The following GRIK2 variants were observed in gnomAD, a reference collection of about 807,000 sequenced individuals.
GRIK2 encodes glutamate ionotropic receptor kainate type subunit 2, also known as glutamate receptor ionotropic, kainate 2.
Under a neutral mutation model 100.3 loss-of-function variants are expected in GRIK2, and 32 were observed. The ratio of observed to expected loss-of-function variants is 0.32; its 90% confidence interval spans 0.24 to 0.43. GRIK2 has a LOEUF of 0.43. Among genes scored for constraint, GRIK2 ranks in the 20% least tolerant of loss-of-function variants. The pLI is 1.00. For synonymous variants in GRIK2, 417 were observed against 389.4 expected (o/e 1.07, Z -0.83); for missense variants, 843 against 1,114.9 (o/e 0.76, Z 3.47).
intron 2 of GRIK2, among the ~76,000 whole-genome samples, chr6:101,425,599 A>G (rs1314678632): frequency 6.6e-6 from 1 of 152,098 alleles, no homozygotes; most frequent in East Asian, 1.9e-4. Flanking sequence ...TTCACTTTGT[A>G]TTAAAGTTTT....
intron 2 of GRIK2, among the ~76,000 whole-genome samples, chr6:101,592,588 C>T (rs867989234): frequency 0.011 from 1,134 of 101,444 alleles, 18 homozygotes; most frequent in African/African-American, 0.033. Context: ...ACTAATATCA[C>T]ATATATATAT....
At chr6:101,519,257 G>T (rs1229231263) in intron 2 of GRIK2, among the ~76,000 whole-genome samples, 1 of 151,038 alleles carries the variant, frequency 6.6e-6, no homozygotes, top group Non-Finnish European at 1.5e-5. Context: ...TCATGGAGAG[G>T]GTGGAACATA....
chr6:101,443,967 C>T (rs1022417987), intron 2 of GRIK2, among the ~76,000 whole-genome samples: 1 of 151,814 alleles, frequency 6.6e-6, no homozygotes, highest in Non-Finnish European at 1.5e-5. Context: ...TCACTGTAGC[C>T]TCTACCTCCT....
chr6:102,049,638 C>A (rs73500564), intron 15 of GRIK2, among the ~76,000 whole-genome samples: 1 of 151,928 alleles, frequency 6.6e-6, no homozygotes, highest in Non-Finnish European at 1.5e-5. Context: ...TACAAGTAAT[C>A]CTTTACAAAT....
intron 2 of GRIK2, among the ~76,000 whole-genome samples, chr6:101,532,907 G>A (rs976774000): frequency 1.3e-5 from 2 of 151,686 alleles, no homozygotes; most frequent in South Asian, 2.1e-4. Flanking sequence ...CTTTAGTGCT[G>A]TGCAGATAGA....
chr6:101,444,282 A>C (rs1770244532), intron 2 of GRIK2, among the ~76,000 whole-genome samples: 1 of 151,980 alleles, frequency 6.6e-6, no homozygotes, highest in Admixed American at 6.6e-5. Context: ...TTTTTCCTAT[A>C]TGCTGAGATA....
Position 101,490,775 on chromosome 6 carries a change from C to T in GRIK2, c.115+91383C>T, listed in dbSNP as rs368630902. Among the ~76,000 whole-genome samples, 8 of 146,530 alleles carry T rather than the reference C, an allele frequency of 5.5e-5. 1 individual carries two copies. Among genetic ancestry groups the T allele is most frequent in the African/African-American group, 2.1e-4 (8 of 38,430 alleles). ...CAATAGCACAACTCCAGCACAGTAG[C>T]CTTAGGAAAGTGATGACAATGACAA... On this transcript the variant is annotated intron_variant, in intron 2 of 16. Coordinates refer to ENST00000369134, the MANE Select transcript of GRIK2 (RefSeq NM_021956.5).
chr6:101,425,421 A>G (rs1039241421), intron 2 of GRIK2, among the ~76,000 whole-genome samples: 1 of 152,158 alleles, frequency 6.6e-6, no homozygotes, highest in Non-Finnish European at 1.5e-5. Context: ...TAATTTCTAT[A>G]ATTATATTGC....
At chr6:101,626,330 A>T (rs765493632) in intron 3 of GRIK2, 50 bp from the exon 4 acceptor site, 2 of 1,526,808 alleles carry the variant, frequency 1.3e-6, no homozygotes, top group South Asian at 2.4e-5. Context: ...ATCTGTTGGC[A>T]CACTGGCACC....
At chr6:101,834,229 C>A (rs1251058929) in intron 10 of GRIK2, among the ~76,000 whole-genome samples, 1 of 151,988 alleles carries the variant, frequency 6.6e-6, no homozygotes, top group Non-Finnish European at 1.5e-5. Context: ...CTTAAAATTT[C>A]TTTCCCTTTT....
intron 7 of GRIK2, among the ~76,000 whole-genome samples, chr6:101,731,535 A>T (rs550729595): frequency 3.9e-5 from 6 of 152,144 alleles, no homozygotes; most frequent in African/African-American, 1.4e-4. Flanking sequence ...GGAGGCAAAT[A>T]ACCTATACCA....
chr6:101,752,139 G>A (rs931204255), intron 7 of GRIK2, among the ~76,000 whole-genome samples: 5 of 151,978 alleles, frequency 3.3e-5, no homozygotes, highest in South Asian at 2.1e-4. Flanking sequence ...CACCTTATAT[G>A]TTAATTTTTG....
At chr6:101,967,395 T>C (rs974003144) in intron 14 of GRIK2, among the ~76,000 whole-genome samples, 14 of 152,126 alleles carry the variant, frequency 9.2e-5, no homozygotes, top group African/African-American at 3.4e-4. Context: ...TTAGAAATTA[T>C]TTTAAAATAT....
At chr6:101,528,350 C>G (rs1775254974) in intron 2 of GRIK2, among the ~76,000 whole-genome samples, 1 of 152,076 alleles carries the variant, frequency 6.6e-6, no homozygotes, top group Admixed American at 6.6e-5. Context: ...CTCTTAAACA[C>G]TTTAATATTT....
chr6:101,733,784 C>T (rs1161811436), intron 7 of GRIK2, among the ~76,000 whole-genome samples: 4 of 121,570 alleles, frequency 3.3e-5, no homozygotes, highest in Non-Finnish European at 6.4e-5. Flanking sequence ...TTCTTCAATA[C>T]TTTGCTTAGA....
intron 7 of GRIK2, among the ~76,000 whole-genome samples, chr6:101,793,975 G>A (rs970291848): frequency 3.9e-5 from 6 of 152,170 alleles, no homozygotes; most frequent in African/African-American, 9.6e-5. Context: ...TTCTGTGCTA[G>A]CAATCAGCGA....
intron 2 of GRIK2, among the ~76,000 whole-genome samples, chr6:101,474,236 CTGAG>C (rs1423749918): frequency 6.6e-6 from 1 of 151,122 alleles, no homozygotes. Context: ...ATTGAACTGA[CTGAG>C]TAAATTATAA....
chr6:101,877,570 T>A (rs1785946271), intron 11 of GRIK2, among the ~76,000 whole-genome samples: 1 of 151,992 alleles, frequency 6.6e-6, no homozygotes, highest in African/African-American at 2.4e-5. Flanking sequence ...AACAGATGAC[T>A]ATACAAATAT....
intron 2 of GRIK2, among the ~76,000 whole-genome samples, chr6:101,500,842 T>G (rs949526009): frequency 6.6e-6 from 1 of 152,038 alleles, no homozygotes; most frequent in Non-Finnish European, 1.5e-5. Context: ...GTAAATTCAG[T>G]TTACCAATAT....
Sources: gnomAD v4.1 joint callset for allele counts (sites outside exome capture counted in the v4.1 genomes callset) on GRCh38, gnomAD v4.1.1 for gene constraint, MANE v1.5 for transcripts, NCBI Gene and HGNC (gene_info 2026-07-23, HGNC 2026-07-21) for gene names.